Variants in RAB38 observed in about 807,000 individuals in gnomAD.
The protein encoded by RAB38 is ras-related protein Rab-38.
RAB38 carries 15 observed loss-of-function variants against 18.4 expected under a neutral mutation model. The observed-to-expected ratio is 0.82, with a 90% confidence interval of 0.55 to 1.26. The LOEUF (loss-of-function observed/expected upper bound fraction) is 1.26, where lower values mean the gene tolerates loss of function less well. RAB38 is among the 50% of genes most tolerant of loss of function. The probability of loss-of-function intolerance (pLI) is 0.00; values close to 1 mark genes in which losing one functional copy is unlikely to be tolerated. For synonymous variants in RAB38, 101 were observed against 104.4 expected (o/e 0.97, Z 0.20); for missense variants, 294 against 267.4 (o/e 1.10, Z -0.69).
the RAB38 span, among the ~76,000 whole-genome samples, chr11:88,091,142 C>A: frequency 6.6e-6 from 1 of 151,980 alleles, no homozygotes; most frequent in Non-Finnish European, 1.5e-5. Context: ...AACTGACCAC[C>A]TAGCCAGAAG....
At chr11:88,148,555 C>T (rs1451900691) in intron 2 of RAB38, among the ~76,000 whole-genome samples, 1 of 152,174 alleles carries the variant, frequency 6.6e-6, no homozygotes, top group Admixed American at 6.5e-5. Context: ...ATTCTCTTTC[C>T]AGCAGAAAAC....
chr11:88,172,203 A>G (rs376515023), intron 1 of RAB38, among the ~76,000 whole-genome samples: 1 of 152,186 alleles, frequency 6.6e-6, no homozygotes, highest in Admixed American at 6.5e-5. Context: ...CTTTGACTCT[A>G]TCAGGAGCCT....
the RAB38 span, among the ~76,000 whole-genome samples, chr11:88,081,043 A>C: frequency 6.6e-6 from 1 of 152,018 alleles, no homozygotes; most frequent in Non-Finnish European, 1.5e-5. Context: ...ACTCATTTAA[A>C]GATTCTCATA....
chr11:87,805,378 T>C, the RAB38 span, among the ~76,000 whole-genome samples: 1 of 151,524 alleles, frequency 6.6e-6, no homozygotes, highest in South Asian at 2.1e-4. Context: ...CATTTTCATG[T>C]TAGAAGATAT....
chr11:87,833,329 C>T, the RAB38 span, among the ~76,000 whole-genome samples: 1 of 152,258 alleles, frequency 6.6e-6, no homozygotes, highest in South Asian at 2.1e-4. Flanking sequence ...TATTTTCTCA[C>T]TCCTGAGTCT....
intron 2 of RAB38, among the ~76,000 whole-genome samples, chr11:88,128,064 T>C (rs1287004170): frequency 6.6e-6 from 1 of 152,086 alleles, no homozygotes; most frequent in Non-Finnish European, 1.5e-5. Flanking sequence ...ACAAAAGAAA[T>C]TGTGACTTCT....
At chr11:87,900,639 C>T in the RAB38 span, among the ~76,000 whole-genome samples, 3 of 146,782 alleles carry the variant, frequency 2.0e-5, no homozygotes, top group Admixed American at 6.9e-5. Context: ...TGTCCTCAGA[C>T]CCTCTGTCAC....
At position 88,174,620 on chromosome 11, in the gene RAB38, C is replaced by CAA. The variant is rs60026669; in HGVS notation, c.202+561_202+562dup. ...TACTTGGCTTACTGTAAGCAAAAAGCAAAAAAAAAAAAAAAAAAAAACAAA... is the reference window on the plus strand; with the variant it reads ...TACTTGGCTTACTGTAAGCAAAAAGCAAAAAAAAAAAAAAAAAAAAAAACAAA... On this transcript the variant is annotated intron_variant, in intron 1 of 2. Transcript: ENST00000243662. 3.8e-3 allele frequency among the ~76,000 whole-genome samples: 387 copies of CAA among 101,050 alleles called. 4 individuals are homozygous for CAA. The highest frequency in any genetic ancestry group is 9.5e-3 in the African/African-American group (247 of 25,922). 66.3% of individuals were successfully genotyped at this position (101,050 alleles called of 152,430 possible).
At chr11:87,940,900 G>A in the RAB38 span, among the ~76,000 whole-genome samples, 3 of 151,982 alleles carry the variant, frequency 2.0e-5, no homozygotes, top group East Asian at 5.9e-4. Context: ...CCAAAGTGCT[G>A]AGATTACAGG....
chr11:88,004,022 T>A, the RAB38 span, among the ~76,000 whole-genome samples: 1 of 139,468 alleles, frequency 7.2e-6, no homozygotes, highest in Non-Finnish European at 1.5e-5. Flanking sequence ...ATGTACCTTC[T>A]CTTCTATTTT....
the RAB38 span, among the ~76,000 whole-genome samples, chr11:88,079,692 C>T: frequency 1.3e-5 from 2 of 151,532 alleles, no homozygotes; most frequent in Admixed American, 1.3e-4. Flanking sequence ...AAATGTAATA[C>T]ATCATTAGCA....
chr11:88,028,375 A>T, the RAB38 span, among the ~76,000 whole-genome samples: 2 of 152,232 alleles, frequency 1.3e-5, no homozygotes, highest in Non-Finnish European at 2.9e-5. Flanking sequence ...CAAAGCTGGA[A>T]AGAGAATGAC....
chr11:87,930,250 C>T, the RAB38 span, among the ~76,000 whole-genome samples: 1,617 of 152,168 alleles, frequency 0.011, 29 homozygotes, highest in East Asian at 0.034. Flanking sequence ...TTTTAATGAT[C>T]GCCATTCTAA....
chr11:87,962,607 A>G, the RAB38 span, among the ~76,000 whole-genome samples: 5 of 152,138 alleles, frequency 3.3e-5, no homozygotes, highest in African/African-American at 1.2e-4. Context: ...AAATGCCTTA[A>G]GTTTTCAACT....
At chr11:87,822,840 A>G in the RAB38 span, among the ~76,000 whole-genome samples, 2 of 152,230 alleles carry the variant, frequency 1.3e-5, no homozygotes, top group African/African-American at 2.4e-5. Flanking sequence ...GGACACATCT[A>G]AAACATAAGG....
At chr11:88,020,158 A>T in the RAB38 span, among the ~76,000 whole-genome samples, 1 of 152,194 alleles carries the variant, frequency 6.6e-6, no homozygotes, top group Non-Finnish European at 1.5e-5. Flanking sequence ...AAATGAAAAG[A>T]CATAGAGGAG....
chr11:87,805,613 A>ACACACATG, the RAB38 span, among the ~76,000 whole-genome samples: 8 of 146,460 alleles, frequency 5.5e-5, no homozygotes, highest in African/African-American at 1.0e-4. Context: ...CTACACACAC[A>ACACACATG]CACACACACG....
intron 2 of RAB38, among the ~76,000 whole-genome samples, chr11:88,145,763 G>A (rs2134820268): frequency 6.6e-6 from 1 of 152,238 alleles, no homozygotes; most frequent in South Asian, 2.1e-4. Context: ...AATAAGTTGA[G>A]CTCATGATCT....
the RAB38 span, among the ~76,000 whole-genome samples, chr11:87,915,494 C>T: frequency 2.6e-5 from 4 of 152,050 alleles, no homozygotes; most frequent in Non-Finnish European, 5.9e-5. Context: ...AAGACACTCC[C>T]ACCAGTGCCA....
Sources: gnomAD v4.1 joint callset for allele counts (sites outside exome capture counted in the v4.1 genomes callset) on GRCh38, gnomAD v4.1.1 for gene constraint, MANE v1.5 for transcripts, NCBI Gene and HGNC (gene_info 2026-07-23, HGNC 2026-07-21) for gene names.